ERI3: variants seen among roughly 807,000 people sequenced by gnomAD.
ERI3 encodes the protein ERI1 exoribonuclease family member 3.
Under a neutral mutation model 44.4 loss-of-function variants are expected in ERI3, and 18 were observed. That is an observed-to-expected ratio of 0.41 (90% CI 0.28 to 0.60). The LOEUF (loss-of-function observed/expected upper bound fraction) is 0.60, where lower values mean the gene tolerates loss of function less well. Ranked by LOEUF, ERI3 falls within the 20% of genes least tolerant of loss-of-function variation. ERI3 has a pLI of 0.36. For synonymous variants in ERI3, 183 were observed against 164.8 expected (o/e 1.11, Z -0.84); for missense variants, 294 against 435.5 (o/e 0.68, Z 2.89).
intron 8 of ERI3, among the ~76,000 whole-genome samples, chr1:44,229,220 C>T (rs1251158020): frequency 6.6e-6 from 1 of 152,224 alleles, no homozygotes; most frequent in East Asian, 1.9e-4. Flanking sequence ...CAGGCAAGAA[C>T]GGTGGCAGGG....
chr1:44,347,166 A>G (rs1280810214), intron 2 of ERI3, among the ~76,000 whole-genome samples: 1 of 152,238 alleles, frequency 6.6e-6, no homozygotes, highest in Non-Finnish European at 1.5e-5. Context: ...AACAATGCAT[A>G]TCAACTGCAG....
At chr1:44,251,358 C>A (rs1219990820) in intron 7 of ERI3, among the ~76,000 whole-genome samples, 2 of 152,372 alleles carry the variant, frequency 1.3e-5, no homozygotes. Flanking sequence ...ATTACTTGCT[C>A]CCTCCATTCG....
At chr1:44,349,009 A>G (rs1646839331) in intron 2 of ERI3, among the ~76,000 whole-genome samples, 1 of 152,222 alleles carries the variant, frequency 6.6e-6, no homozygotes, top group African/African-American at 2.4e-5. Context: ...GCCACAGGGT[A>G]TCAACACTAA....
intron 7 of ERI3, among the ~76,000 whole-genome samples, chr1:44,260,562 G>A (rs1644873510): frequency 6.6e-6 from 1 of 152,196 alleles, no homozygotes; most frequent in South Asian, 2.1e-4. Flanking sequence ...GTCTCTGGAT[G>A]GCTAGAAGGG....
intron 6 of ERI3, among the ~76,000 whole-genome samples, chr1:44,297,697 A>C (rs1420082646): frequency 6.6e-6 from 1 of 152,154 alleles, no homozygotes; most frequent in Non-Finnish European, 1.5e-5. Context: ...CACTAGGAGA[A>C]CTGGTGGTTT....
chr1:44,336,358 C>T (rs1418449021), intron 3 of ERI3, among the ~76,000 whole-genome samples: 3 of 152,210 alleles, frequency 2.0e-5, no homozygotes, highest in Non-Finnish European at 4.4e-5. Flanking sequence ...TTTTAAGTTG[C>T]TACTAACAAG....
At chr1:44,284,727 C>A (rs1645356671) in intron 7 of ERI3, 108 bp downstream of exon 7, 2 of 825,224 alleles carry the variant, frequency 2.4e-6, no homozygotes, top group African/African-American at 1.7e-5. Context: ...AAGAGAAGAA[C>A]AAAAAGAAAA....
chr1:44,342,398 G>C lies in ERI3; in HGVS notation c.212-3076C>G, dbSNP rs746720833. Among the ~76,000 whole-genome samples, 75 of 152,108 alleles carry C rather than the reference G, an allele frequency of 4.9e-4. 1 individual carries two copies. The highest frequency in any genetic ancestry group is 9.3e-4 in the Non-Finnish European group (63 of 68,032). On this transcript the variant is annotated intron_variant, in intron 2 of 8. Transcript: ENST00000372257. Reference sequence around the variant, plus strand: ...AGAAGTGCATATATTAAGCATAATGGGACCCAGGTTTCTCACTGTTAAGAG... The same window carrying C: ...AGAAGTGCATATATTAAGCATAATGCGACCCAGGTTTCTCACTGTTAAGAG...
intron 1 of ERI3, chr1:44,354,628 C>T (rs1163528138): frequency 3.5e-5 from 34 of 985,280 alleles, no homozygotes; most frequent in Non-Finnish European, 3.7e-5. Flanking sequence ...AATCTCCATG[C>T]TCCATTTCTA....
intron 8 of ERI3, among the ~76,000 whole-genome samples, chr1:44,224,705 T>G (rs749449982): frequency 6.6e-6 from 1 of 152,194 alleles, no homozygotes; most frequent in African/African-American, 2.4e-5. Context: ...AGATGACTGA[T>G]AGGGGCCAGC....
rs371849390 is a variant in ERI3, at chr1:44,231,621, T to C, written c.932-9981A>G. Among the ~76,000 whole-genome samples, 27 of 152,290 alleles carry C rather than the reference T, an allele frequency of 1.8e-4. No individual in the cohort carries two copies. The South Asian group carries it at 5.6e-3, about 32-fold the overall frequency. On this transcript the variant is annotated intron_variant, in intron 8 of 8. Coordinates refer to ENST00000372257, the MANE Select transcript of ERI3 (RefSeq NM_024066.3). ...CCAGCCTCCCAAAGTGCTGGGATTA[T>C]AGACATGAGCCATTGGTCCCGGCCC...
chr1:44,339,005 G>GCC (rs200391467), intron 3 of ERI3, 40 bp downstream of exon 3: 2 of 1,591,992 alleles, frequency 1.3e-6, no homozygotes, highest in East Asian at 4.5e-5. Context: ...CTCCCTCCTT[G>GCC]CCCCCCCCAC....
chr1:44,265,920 G>C (rs978832298), intron 7 of ERI3, among the ~76,000 whole-genome samples: 2 of 152,052 alleles, frequency 1.3e-5, no homozygotes, highest in African/African-American at 4.8e-5. Context: ...TCTTTTAGTG[G>C]GGACAAAAAT....
intron 4 of ERI3, among the ~76,000 whole-genome samples, chr1:44,318,472 G>C (rs1453711963): frequency 6.6e-6 from 1 of 152,250 alleles, no homozygotes; most frequent in Non-Finnish European, 1.5e-5. Context: ...GGAAACCCCG[G>C]CAGAGGAAGG....
intron 7 of ERI3, among the ~76,000 whole-genome samples, chr1:44,278,761 G>A (rs112061876): frequency 5.3e-5 from 8 of 151,996 alleles, no homozygotes; most frequent in Admixed American, 1.3e-4. Context: ...CACCACATCC[G>A]ACTAATTTTT....
intron 4 of ERI3, among the ~76,000 whole-genome samples, chr1:44,314,243 G>A (rs944891762): frequency 6.6e-6 from 1 of 152,070 alleles, no homozygotes; most frequent in Non-Finnish European, 1.5e-5. Context: ...GCTCTAAAAG[G>A]GAAGGTTATT....
At chr1:44,279,979 C>T (rs918604340) in intron 7 of ERI3, among the ~76,000 whole-genome samples, 6 of 152,172 alleles carry the variant, frequency 3.9e-5, no homozygotes, top group Non-Finnish European at 7.3e-5. Flanking sequence ...ACATAAAACA[C>T]ATACATGCAC....
intron 1 of ERI3, chr1:44,354,063 T>TGATAAAGTCAG (rs999442354): frequency 1.4e-5 from 14 of 985,332 alleles, no homozygotes; most frequent in African/African-American, 1.7e-5. Context: ...ATGCTGTATA[T>TGATAAAGTCAG]GATAAAGTCA....
At chr1:44,278,468 C>A in intron 7 of ERI3, among the ~76,000 whole-genome samples, 2 of 137,508 alleles carry the variant, frequency 1.5e-5, no homozygotes, top group African/African-American at 2.7e-5. Flanking sequence ...CAGAGCAAGA[C>A]TGTCTCAGGA....
Sources: allele counts gnomAD v4.1 joint callset (sites outside exome capture counted in the v4.1 genomes callset), GRCh38; gene constraint gnomAD v4.1.1; transcripts MANE v1.5; gene names NCBI Gene and HGNC (gene_info 2026-07-23, HGNC 2026-07-21).